CAMTA1: variants seen among roughly 807,000 people sequenced by gnomAD.
CAMTA1 encodes the protein calmodulin-binding transcription activator 1.
CAMTA1 carries 27 observed loss-of-function variants against 170.9 expected under a neutral mutation model. The ratio of observed to expected loss-of-function variants is 0.16; its 90% CI spans 0.12 to 0.22. The LOEUF (loss-of-function observed/expected upper bound fraction) is 0.22. Among genes scored for constraint, CAMTA1 ranks in the 10% least tolerant of loss-of-function variants. The pLI, the probability that CAMTA1 is intolerant of heterozygous loss-of-function variation, is 1.00. For synonymous variants in CAMTA1, 833 were observed against 891.5 expected (o/e 0.93, Z 1.17); for missense variants, 1,619 against 2,217.2 (o/e 0.73, Z 5.42).
chr1:7,397,008 C>A (rs1247008346), intron 5 of CAMTA1, among the ~76,000 whole-genome samples: 1 of 152,098 alleles, frequency 6.6e-6, no homozygotes, highest in East Asian at 1.9e-4. Context: ...GTAATGCCAG[C>A]CTCACAGAAT....
At chr1:7,252,467 A>G (rs76764063) in intron 5 of CAMTA1, among the ~76,000 whole-genome samples, 2 of 152,122 alleles carry the variant, frequency 1.3e-5, no homozygotes, top group East Asian at 3.9e-4. Context: ...CTGCTGCATT[A>G]CCTCTGATCT....
chr1:6,802,041 A>G (rs925338056), intron 1 of CAMTA1, among the ~76,000 whole-genome samples: 9 of 152,198 alleles, frequency 5.9e-5, no homozygotes, highest in South Asian at 2.1e-4. Flanking sequence ...TTTGATTGCA[A>G]GTCCCATGAG....
At chr1:7,386,029 T>G (rs564299859) in intron 5 of CAMTA1, among the ~76,000 whole-genome samples, 1 of 152,126 alleles carries the variant, frequency 6.6e-6, no homozygotes, top group African/African-American at 2.4e-5. Flanking sequence ...TCCTCCAGGC[T>G]CCTCCGCTCC....
Position 7,325,846 on chromosome 1 carries a change from GTTTT to G in CAMTA1, c.438+76224_438+76227del, listed in dbSNP as rs887168820. Among the ~76,000 whole-genome samples, 30 of 145,430 alleles carry G rather than the reference GTTTT, an allele frequency of 2.1e-4. No individual in the cohort carries two copies. The highest frequency in any genetic ancestry group is 6.9e-4 in the African/African-American group (28 of 40,510). On this transcript the variant is annotated intron_variant, in intron 5 of 22. Transcript: ENST00000303635. This position sits in a 1 kb window ranked among gnomAD's most constrained non-coding sequence, Gnocchi z 5.0. The stretch of plus-strand genomic sequence containing the variant: ...TCCAGGTTTGGTTTGTTGTTGGTGG[GTTTT>G]TTTGTTTGTTTGTTTGTTTGTTTTA...
chr1:6,812,813 A>G (rs533051180), intron 1 of CAMTA1, among the ~76,000 whole-genome samples: 1 of 152,342 alleles, frequency 6.6e-6, no homozygotes, highest in African/African-American at 2.4e-5. Flanking sequence ...ATCTGGCTTG[A>G]TATATTGTAA....
chr1:6,970,171 C>G lies in CAMTA1; in HGVS notation c.235-121133C>G, dbSNP rs1404461352. Among the ~76,000 whole-genome samples, 1 of 152,196 alleles carries G rather than the reference C, an allele frequency of 6.6e-6. No homozygotes were observed. Among genetic ancestry groups the G allele is most frequent in the Non-Finnish European group, 1.5e-5 (1 of 68,042 alleles). ...TTTTGTTATAAAATTATATAATAAT[C>G]TTCCAGAAATTGAGGGACATGGAAA... On this transcript the variant is annotated intron_variant, in intron 3 of 22. Coordinates refer to ENST00000303635, the MANE Select transcript of CAMTA1 (RefSeq NM_015215.4). The surrounding 1 kb of genome is among the most constrained non-coding windows in gnomAD (Gnocchi z 4.4).
intron 11 of CAMTA1, among the ~76,000 whole-genome samples, chr1:7,686,720 C>T (rs1452129879): frequency 2.6e-5 from 4 of 152,152 alleles, no homozygotes; most frequent in Non-Finnish European, 4.4e-5. Flanking sequence ...TACTCCAGGG[C>T]TCTTGCGTCC....
At chr1:7,667,281 G>GC (rs2096009834) in intron 9 of CAMTA1, among the ~76,000 whole-genome samples, 2 of 152,090 alleles carry the variant, frequency 1.3e-5, no homozygotes, top group Non-Finnish European at 2.9e-5. Context: ...GGCCAGTTGG[G>GC]CATCTTCCCC....
At chr1:7,703,888 G>A (rs1023362479) in intron 11 of CAMTA1, among the ~76,000 whole-genome samples, 1 of 152,114 alleles carries the variant, frequency 6.6e-6, no homozygotes, top group Non-Finnish European at 1.5e-5. Context: ...CCCTCACGCA[G>A]AAGTCCCCAA....
At chr1:7,383,760 G>T (rs576883739) in intron 5 of CAMTA1, among the ~76,000 whole-genome samples, 2 of 151,846 alleles carry the variant, frequency 1.3e-5, no homozygotes, top group East Asian at 3.9e-4. Flanking sequence ...TGTTGAAGAT[G>T]ATAAGAATGA....
In CAMTA1 at chr1:6,887,860, C is replaced by G; in HGVS notation, c.234+62650C>G. ...CCAAATTAATTTGAACCGAATGTTACTAAAAATGAAATAGAATAAAGTGAC... is the reference window on the plus strand; with the variant it reads ...CCAAATTAATTTGAACCGAATGTTAGTAAAAATGAAATAGAATAAAGTGAC... On this transcript the variant is annotated intron_variant, in intron 3 of 22. Coordinates refer to ENST00000303635, the MANE Select transcript of CAMTA1 (RefSeq NM_015215.4). This position sits in a 1 kb window ranked among gnomAD's most constrained non-coding sequence, Gnocchi z 4.1. 18 of 1,432,408 alleles carry G rather than the reference C, an allele frequency of 1.3e-5. No individual in the cohort carries two copies. The highest frequency in any genetic ancestry group is 1.6e-5 in the Non-Finnish European group (18 of 1,095,370). 88.7% of individuals were successfully genotyped at this position (1,432,408 alleles called of 1,614,324 possible). A position where few individuals can be genotyped will look rare whatever the true frequency, so the allele number is the denominator to read the frequency against.
chr1:7,662,202 G>A (rs557436216), intron 8 of CAMTA1, among the ~76,000 whole-genome samples: 301 of 152,344 alleles, frequency 2.0e-3, no homozygotes, highest in African/African-American at 6.8e-3. Flanking sequence ...ACACTCTTGG[G>A]CATCCTCTGC....
At chr1:7,110,256 A>G (rs1442183898) in intron 4 of CAMTA1, among the ~76,000 whole-genome samples, 1 of 152,038 alleles carries the variant, frequency 6.6e-6, no homozygotes, top group Non-Finnish European at 1.5e-5. Flanking sequence ...CCAACCCATT[A>G]GAATTTTCAG....
At chr1:7,480,705 C>T (rs2093516381) in intron 6 of CAMTA1, among the ~76,000 whole-genome samples, 1 of 152,122 alleles carries the variant, frequency 6.6e-6, no homozygotes, top group South Asian at 2.1e-4. Context: ...TCTTGCTCAA[C>T]CCCCCGATGC....
rs1049617233 is a variant in CAMTA1 at position 6,970,994 on chromosome 1, G to C, written c.235-120310G>C. Reference sequence around the variant, plus strand: ...TCCAAACTTCACTCCCTGGCCTTTGGAGGGAAGACCCTCTGGTTCGGGCCT... The same window carrying C: ...TCCAAACTTCACTCCCTGGCCTTTGCAGGGAAGACCCTCTGGTTCGGGCCT... On this transcript the variant is annotated intron_variant, in intron 3 of 22. Coordinates refer to ENST00000303635, the MANE Select transcript of CAMTA1 (RefSeq NM_015215.4). This position sits in a 1 kb window ranked among gnomAD's most constrained non-coding sequence, Gnocchi z 4.4. Among the ~76,000 whole-genome samples the C allele has an allele frequency of 1.3e-5, 2 of 152,170 alleles. No individual in the cohort carries two copies. Among genetic ancestry groups the C allele is most frequent in the Non-Finnish European group, 2.9e-5 (2 of 68,026 alleles).
intron 5 of CAMTA1, among the ~76,000 whole-genome samples, chr1:7,256,460 T>G (rs1441100759): frequency 6.6e-6 from 1 of 152,186 alleles, no homozygotes; most frequent in Non-Finnish European, 1.5e-5. Context: ...CTCGGGAGGC[T>G]GAGGCAGGAG....
chr1:7,102,126 C>T (rs1188749821), intron 4 of CAMTA1, among the ~76,000 whole-genome samples: 1 of 151,818 alleles, frequency 6.6e-6, no homozygotes, highest in Non-Finnish European at 1.5e-5. Context: ...AATTTTTCTT[C>T]GTTATGTGTC....
chr1:7,594,140 A>AG, intron 6 of CAMTA1, among the ~76,000 whole-genome samples: 1 of 150,060 alleles, frequency 6.7e-6, no homozygotes, highest in African/African-American at 2.5e-5. Context: ...AGAAAGAAAG[A>AG]AGGAAGGAAG....
At chr1:6,980,356 C>T (rs1694229084) in intron 3 of CAMTA1, among the ~76,000 whole-genome samples, 1 of 152,088 alleles carries the variant, frequency 6.6e-6, no homozygotes, top group African/African-American at 2.4e-5. Flanking sequence ...ATTAGGTGGG[C>T]TGGAGGGGTG....
Sources: gnomAD v4.1 joint callset for allele counts (sites outside exome capture counted in the v4.1 genomes callset) on GRCh38, gnomAD v4.1.1 for gene constraint, Gnocchi (gnomAD v3.1) non-coding constraint, MANE v1.5 for transcripts, NCBI Gene and HGNC (gene_info 2026-07-23, HGNC 2026-07-21) for gene names.